The following ELOVL5 variants were observed in gnomAD, a reference collection of about 807,000 sequenced individuals.
ELOVL5 encodes ELOVL fatty acid elongase 5.
A neutral mutation model predicts 38.6 loss-of-function variants in ELOVL5; 8 were observed. The observed-to-expected ratio is 0.21, with a 90% CI of 0.12 to 0.37. The LOEUF is 0.37. ELOVL5 is among the 10% of genes least tolerant of loss of function. ELOVL5 has a pLI of 1.00. For synonymous variants in ELOVL5, 127 were observed against 133.7 expected (o/e 0.95, Z 0.34); for missense variants, 280 against 367.8 (o/e 0.76, Z 1.95).
intron 3 of ELOVL5, among the ~76,000 whole-genome samples, chr6:53,289,889 G>C (rs1006603469): frequency 6.6e-6 from 1 of 152,176 alleles, no homozygotes; most frequent in East Asian, 1.9e-4. Context: ...TTCAACTTGG[G>C]TATATCTGAC....
chr6:53,343,977 G>A lies in ELOVL5; in HGVS notation c.-9+4840C>T, dbSNP rs185047003. The stretch of plus-strand genomic sequence containing the variant: ...TTCTCACCAGGGAAAAGTGTAGGAG[G>A]CATCCCAATTCTGTAATATTAAAAT... On this transcript the variant is annotated intron_variant, in intron 1 of 7. Transcript: ENST00000304434. 7.2e-4 allele frequency among the ~76,000 whole-genome samples: 110 copies of A among 152,318 alleles called. 2 individuals carry two copies. In the Middle Eastern group the frequency reaches 0.02, roughly 28 times the overall value.
In ELOVL5 at chr6:53,278,091, T is replaced by TATGA. The variant is rs1217925213; in HGVS notation, c.247-1839_247-1836dup. Among the ~76,000 whole-genome samples the TATGA allele has an allele frequency of 3.9e-5, 6 of 152,368 alleles. No individual in the cohort carries two copies. The East Asian group carries it at 9.6e-4, about 24-fold the overall frequency. On this transcript the variant is annotated intron_variant, in intron 3 of 7. Transcript: ENST00000304434. ...TGGCAAAATTAAAAACGTACTAACATATGACTGTCTTCATCAGAGATATTT... is the reference window on the plus strand; with the variant it reads ...TGGCAAAATTAAAAACGTACTAACATATGAATGACTGTCTTCATCAGAGATATTT...
Position 53,268,971 on chromosome 6 carries a change from G to T in ELOVL5, c.*156C>A. On this transcript the variant is annotated 3_prime_UTR_variant, in exon 8 of 8. Coordinates refer to ENST00000304434, the MANE Select transcript of ELOVL5 (RefSeq NM_021814.5). Reference sequence around the variant, plus strand: ...ATCCCTACTTATATAATCTGTATACGTTTTCTAGGGGTTTTGAATTGATGA... The same window carrying T: ...ATCCCTACTTATATAATCTGTATACTTTTTCTAGGGGTTTTGAATTGATGA... 1 of 817,534 alleles carries T rather than the reference G, an allele frequency of 1.2e-6. No homozygotes were observed. Among genetic ancestry groups the T allele is most frequent in the East Asian group, 2.6e-5 (1 of 38,990 alleles). The allele number at this position is 817,534 out of a possible 1,614,324, so 50.6% of individuals were successfully genotyped here. A position where few individuals can be genotyped will look rare whatever the true frequency, so the allele number is the denominator to read the frequency against.
intron 3 of ELOVL5, chr6:53,288,019 T>A: frequency 1.7e-6 from 2 of 1,195,406 alleles, no homozygotes; most frequent in Non-Finnish European, 2.4e-6. Flanking sequence ...AGTAGACACA[T>A]TGAATGGCTT....
intron 1 of ELOVL5, among the ~76,000 whole-genome samples, chr6:53,319,417 A>G (rs916903761): frequency 5.2e-4 from 79 of 152,038 alleles, no homozygotes; most frequent in African/African-American, 1.8e-3. Context: ...AACACTTAAA[A>G]GTTTTCTAAT....
At chr6:53,317,702 G>C (rs955169708) in intron 1 of ELOVL5, among the ~76,000 whole-genome samples, 1 of 151,524 alleles carries the variant, frequency 6.6e-6, no homozygotes, top group South Asian at 2.1e-4. Context: ...CTAGATGATG[G>C]GTTAATGGGT....
chr6:53,319,270 C>CAAAAAAAAAAAAAAAA (rs59435925), intron 1 of ELOVL5, among the ~76,000 whole-genome samples: 93 of 74,898 alleles, frequency 1.2e-3, no homozygotes, highest in Non-Finnish European at 1.8e-3. Flanking sequence ...GACTCCATCT[C>CAAAAAAAAAAAAAAAA]AAAAAAAAAA....
In ELOVL5 at chr6:53,299,654, T is replaced by C. The variant is rs905485570; in HGVS notation, c.-8-3947A>G. Among the ~76,000 whole-genome samples the C allele has an allele frequency of 4.6e-5, 7 of 152,322 alleles. No homozygotes were observed. The South Asian group carries it at 8.3e-4, about 18-fold the overall frequency. ...CTGTGGAATTTAGTATTTGGAGATATTGAAGAATCCTGTTACAAGCCATCT... is the reference window on the plus strand; with the variant it reads ...CTGTGGAATTTAGTATTTGGAGATACTGAAGAATCCTGTTACAAGCCATCT... On this transcript the variant is annotated intron_variant, in intron 1 of 7. Coordinates refer to ENST00000304434, the MANE Select transcript of ELOVL5 (RefSeq NM_021814.5).
chr6:53,269,395 C>A, intron 7 of ELOVL5, 125 bp from the exon 8 acceptor site: 1 of 663,310 alleles, frequency 1.5e-6, no homozygotes. Flanking sequence ...GGAGAAACTC[C>A]TGAGGTCAAG....
chr6:53,307,523 C>G (rs997264939), intron 1 of ELOVL5, among the ~76,000 whole-genome samples: 11 of 152,182 alleles, frequency 7.2e-5, no homozygotes, highest in African/African-American at 2.4e-4. Flanking sequence ...TGACAATGAT[C>G]AGTTTCATAT....
At chr6:53,334,181 G>A (rs950810573) in intron 1 of ELOVL5, among the ~76,000 whole-genome samples, 2 of 152,086 alleles carry the variant, frequency 1.3e-5, no homozygotes. Context: ...AATTTAACAC[G>A]TTGTAGCAAG....
At chr6:53,323,397 G>A (rs1768375276) in intron 1 of ELOVL5, among the ~76,000 whole-genome samples, 1 of 152,080 alleles carries the variant, frequency 6.6e-6, no homozygotes, top group African/African-American at 2.4e-5. Flanking sequence ...ATCAGATTTT[G>A]GCATCCTAGG....
chr6:53,330,891 A>C (rs1768772359), intron 1 of ELOVL5, among the ~76,000 whole-genome samples: 1 of 152,076 alleles, frequency 6.6e-6, no homozygotes, highest in African/African-American at 2.4e-5. Context: ...CTTCAATATC[A>C]CTGTCTTCCC....
chr6:53,300,644 A>G (rs1256269530), intron 1 of ELOVL5, among the ~76,000 whole-genome samples: 2 of 152,160 alleles, frequency 1.3e-5, no homozygotes, highest in African/African-American at 4.8e-5. Flanking sequence ...AATGAGCACA[A>G]TGGCCCTGGG....
intron 1 of ELOVL5, among the ~76,000 whole-genome samples, chr6:53,325,680 T>C (rs1250456365): frequency 6.6e-6 from 1 of 152,092 alleles, no homozygotes; most frequent in Non-Finnish European, 1.5e-5. Context: ...CTTAAAAGAC[T>C]GGTAGGTTTG....
chr6:53,309,625 A>G (rs1408918798), intron 1 of ELOVL5, among the ~76,000 whole-genome samples: 1 of 152,162 alleles, frequency 6.6e-6, no homozygotes, highest in Non-Finnish European at 1.5e-5. Context: ...TGTGTGACCA[A>G]CAGAATAAAG....
chr6:53,287,197 G>A (rs545361757), intron 3 of ELOVL5, among the ~76,000 whole-genome samples: 41 of 152,146 alleles, frequency 2.7e-4, no homozygotes, highest in African/African-American at 5.1e-4. Flanking sequence ...ATTTTAAAGC[G>A]CATTCTCTCA....
chr6:53,340,050 A>G (rs1204553851), intron 1 of ELOVL5, among the ~76,000 whole-genome samples: 1 of 152,206 alleles, frequency 6.6e-6, no homozygotes, highest in Admixed American at 6.5e-5. Flanking sequence ...AAAAAGTTTA[A>G]AAAACTTTAA....
intron 1 of ELOVL5, among the ~76,000 whole-genome samples, chr6:53,341,501 G>A (rs1769327650): frequency 6.6e-6 from 1 of 152,198 alleles, no homozygotes; most frequent in Non-Finnish European, 1.5e-5. Flanking sequence ...ATTTGGACAA[G>A]TGACTTAACC....
Sources: allele counts gnomAD v4.1 joint callset (sites outside exome capture counted in the v4.1 genomes callset), GRCh38; gene constraint gnomAD v4.1.1; transcripts MANE v1.5; gene names NCBI Gene and HGNC (gene_info 2026-07-23, HGNC 2026-07-21).